The following BARX2 variants were observed in gnomAD, a reference collection of about 807,000 sequenced individuals.
BARX2 encodes BARX homeobox 2, also known as homeobox protein BarH-like 2.
In BARX2, 11 loss-of-function variants were observed where a neutral mutation model predicts 25.5. The observed-to-expected ratio is 0.43, with a 90% CI of 0.27 to 0.71. BARX2 has a LOEUF of 0.71. Ranked by LOEUF, BARX2 falls within the 30% of genes least tolerant of loss-of-function variation. BARX2 has a pLI of 0.19. For synonymous variants in BARX2, 137 were observed against 149.5 expected, an observed-to-expected ratio of 0.92 and a Z score of 0.61; for missense variants, 360 against 359.9, an observed-to-expected ratio of 1.00 and a Z score of 0.00.
chr11:129,377,977 T>C (rs531184737), intron 1 of BARX2, among the ~76,000 whole-genome samples: 11 of 152,366 alleles, frequency 7.2e-5, no homozygotes, highest in African/African-American at 2.6e-4. Context: ...TGAGTAAGTG[T>C]CGTGTTTTAT....
intron 1 of BARX2, among the ~76,000 whole-genome samples, chr11:129,378,368 G>A (rs777591436): frequency 2.0e-5 from 3 of 152,058 alleles, no homozygotes; most frequent in African/African-American, 7.2e-5. Flanking sequence ...TTAGATCATG[G>A]GAATCCCATT....
chr11:129,430,358 T>A (rs1271515709), intron 1 of BARX2, among the ~76,000 whole-genome samples: 1 of 152,102 alleles, frequency 6.6e-6, no homozygotes. Context: ...TTAATATACA[T>A]ATTACTGGAT....
intron 1 of BARX2, among the ~76,000 whole-genome samples, chr11:129,434,557 G>A (rs368779238): frequency 1.3e-4 from 20 of 151,588 alleles, no homozygotes; most frequent in African/African-American, 4.1e-4. Context: ...GAACTAGATA[G>A]TACTTTTTAA....
In BARX2 at chr11:129,381,096, A is replaced by G. The variant is rs1417774863; in HGVS notation, c.187+4874A>G. 2.0e-5 allele frequency among the ~76,000 whole-genome samples: 3 copies of G among 152,144 alleles called. No individual in the cohort carries two copies. In the East Asian group the frequency reaches 5.8e-4, roughly 29 times the overall value. On this transcript the variant is annotated intron_variant, in intron 1 of 3. Coordinates refer to ENST00000281437, the MANE Select transcript of BARX2 (RefSeq NM_003658.5). ...GCTGTGAAGTCGGTTTTAACTCATGAATAGTTCATTAGCGGTGTCTTCTCT... is the reference window on the plus strand; with the variant it reads ...GCTGTGAAGTCGGTTTTAACTCATGGATAGTTCATTAGCGGTGTCTTCTCT...
intron 2 of BARX2, among the ~76,000 whole-genome samples, chr11:129,439,326 C>T (rs990542515): frequency 6.6e-6 from 1 of 151,912 alleles, no homozygotes; most frequent in Non-Finnish European, 1.5e-5. Flanking sequence ...ATGTGCAGAA[C>T]GTGCAGGTTT....
At position 129,390,352 on chromosome 11, in the gene BARX2, C is replaced by T. The variant is rs1861654872; in HGVS notation, c.187+14130C>T. On this transcript the variant is annotated intron_variant, in intron 1 of 3. Coordinates refer to ENST00000281437, the MANE Select transcript of BARX2 (RefSeq NM_003658.5). The surrounding 1 kb of genome is among the most constrained non-coding windows in gnomAD (Gnocchi z 4.3). ...AAGAGTGAGAAGGCTGACTTTGTCC[C>T]CTAGGGTCCTCAGAACCATAGAGTC... Among the ~76,000 whole-genome samples, 1 of 151,998 alleles carries T rather than the reference C, an allele frequency of 6.6e-6. No individual in the cohort carries two copies. The highest frequency in any genetic ancestry group is 2.4e-5 in the African/African-American group (1 of 41,372).
intron 1 of BARX2, among the ~76,000 whole-genome samples, chr11:129,433,094 G>A (rs923591359): frequency 6.6e-6 from 1 of 152,156 alleles, no homozygotes; most frequent in African/African-American, 2.4e-5. Flanking sequence ...TGTGCAAGAT[G>A]TCTAATAGCA....
chr11:129,390,216 C>T lies in BARX2; in HGVS notation c.187+13994C>T, dbSNP rs549107919. On this transcript the variant is annotated intron_variant, in intron 1 of 3. Transcript: ENST00000281437. The surrounding 1 kb of genome is among the most constrained non-coding windows in gnomAD (Gnocchi z 4.3). The stretch of plus-strand genomic sequence containing the variant: ...GTCCAGCCATTTATAATGATGATTC[C>T]GACAGGCAATCTCTAGTGGCCTCAT... Among the ~76,000 whole-genome samples, 12 of 152,198 alleles carry T rather than the reference C, an allele frequency of 7.9e-5. No homozygotes were observed. Among genetic ancestry groups the T allele is most frequent in the East Asian group, 5.8e-4 (3 of 5,186 alleles).
At position 129,451,597 on chromosome 11, in the gene BARX2, G is replaced by T; in HGVS notation, c.*195G>T. On this transcript the variant is annotated 3_prime_UTR_variant, in exon 4 of 4. Transcript: ENST00000281437. ...ACAAAGACTTGCTTGTCTTGGGCCT[G>T]TCACCTCCTGAAAGGCTGCTTTAGC... The T allele has an allele frequency of 3.0e-6, 2 of 672,814 alleles. No individual in the cohort carries two copies. Among genetic ancestry groups the T allele is most frequent in the Non-Finnish European group, 4.9e-6 (2 of 410,894 alleles). The allele number at this position is 672,814 out of a possible 1,614,324, so 41.7% of individuals were successfully genotyped here.
intron 3 of BARX2, among the ~76,000 whole-genome samples, chr11:129,445,811 G>C (rs1444523176): frequency 6.6e-6 from 1 of 152,184 alleles, no homozygotes; most frequent in Non-Finnish European, 1.5e-5. Context: ...GATCAGCGCA[G>C]AGAGTGGAAT....
At chr11:129,389,429 A>C (rs748965977) in intron 1 of BARX2, among the ~76,000 whole-genome samples, 19 of 152,240 alleles carry the variant, frequency 1.2e-4, no homozygotes, top group Non-Finnish European at 2.4e-4. Context: ...TCAAGTCTTC[A>C]TGAATTAGGT....
intron 2 of BARX2, among the ~76,000 whole-genome samples, chr11:129,439,298 C>G (rs1862229930): frequency 1.3e-5 from 2 of 151,964 alleles, no homozygotes; most frequent in African/African-American, 2.4e-5. Context: ...TATTATTATA[C>G]TTCAAGTTCT....
chr11:129,401,681 C>A (rs1348367150), intron 1 of BARX2, among the ~76,000 whole-genome samples: 1 of 152,158 alleles, frequency 6.6e-6, no homozygotes, highest in African/African-American at 2.4e-5. Context: ...AGAAGCCGGG[C>A]ACGGTGGCTC....
At chr11:129,414,187 A>G (rs921762376) in intron 1 of BARX2, among the ~76,000 whole-genome samples, 3 of 152,152 alleles carry the variant, frequency 2.0e-5, no homozygotes, top group Non-Finnish European at 4.4e-5. Context: ...GTATTAATAC[A>G]TTCTTCAGAG....
intron 1 of BARX2, among the ~76,000 whole-genome samples, chr11:129,380,190 C>T (rs1002226320): frequency 6.6e-6 from 1 of 152,050 alleles, no homozygotes; most frequent in Non-Finnish European, 1.5e-5. Context: ...CGGGACTAAC[C>T]CGTGCAGTCA....
At chr11:129,427,608 G>A (rs1434300835) in intron 1 of BARX2, among the ~76,000 whole-genome samples, 1 of 152,180 alleles carries the variant, frequency 6.6e-6, no homozygotes, top group Non-Finnish European at 1.5e-5. Context: ...CTTTGCTTGT[G>A]TAAACTGGAA....
Sources: allele counts gnomAD v4.1 joint callset (sites outside exome capture counted in the v4.1 genomes callset), GRCh38; gene constraint gnomAD v4.1.1; non-coding constraint Gnocchi (gnomAD v3.1); transcripts MANE v1.5; gene names NCBI Gene and HGNC (gene_info 2026-07-23, HGNC 2026-07-21).